CHIT1: variants seen among roughly 807,000 people sequenced by gnomAD.
CHIT1 encodes chitotriosidase-1.
Under a neutral mutation model 52.0 loss-of-function variants are expected in CHIT1, and 47 were observed. The observed-to-expected ratio is 0.90, with a 90% confidence interval of 0.71 to 1.15. The LOEUF is 1.15. CHIT1 is among the 50% of genes most tolerant of loss of function. The pLI is 0.00. For missense variants in CHIT1, 569 were observed against 583.0 expected, an observed-to-expected ratio of 0.98 and a Z score of 0.25; for synonymous variants, 242 against 228.2, an observed-to-expected ratio of 1.06 and a Z score of -0.54.
intron 6 of CHIT1, 81 bp downstream of exon 6, chr1:203,223,054 C>T (rs1656794390): frequency 6.3e-7 from 1 of 1,576,462 alleles, no homozygotes; most frequent in East Asian, 2.2e-5. Flanking sequence ...AACACCTGCT[C>T]TACCCATGGG....
intron 2 of CHIT1, among the ~76,000 whole-genome samples, chr1:203,228,096 G>C (rs1449816857): frequency 6.6e-6 from 1 of 152,196 alleles, no homozygotes; most frequent in Non-Finnish European, 1.5e-5. Flanking sequence ...TGTTGTCCTC[G>C]CAGAGCTAAG....
intron 6 of CHIT1, 132 bp downstream of exon 6, chr1:203,223,003 T>G: frequency 8.0e-7 from 1 of 1,243,448 alleles, no homozygotes; most frequent in Admixed American, 1.7e-5. Context: ...TCTGCTTTTG[T>G]TCTGGTGTAA....
rs926999571 is a variant in CHIT1 at position 203,229,492 on chromosome 1, C to G, written c.25+120G>C. The G allele has an allele frequency of 6.2e-6, 7 of 1,129,664 alleles. No homozygotes were observed. The Admixed American group carries it at 1.4e-4, about 22-fold the overall frequency. 70.0% of individuals were successfully genotyped at this position (1,129,664 alleles called of 1,614,324 possible). A position where few individuals can be genotyped will look rare whatever the true frequency, so the allele number is the denominator to read the frequency against. On this transcript the variant is annotated intron_variant, in intron 1 of 10. Coordinates refer to ENST00000367229, the MANE Select transcript of CHIT1 (RefSeq NM_003465.3). ...GGAGGCATGGAGAGGGATAAAATGA[C>G]CCTCTGAAGTTCTCCTGAGTCCTCC... is the stretch of plus-strand genomic sequence containing the variant.
intron 10 of CHIT1, 109 bp from the exon 11 acceptor site, chr1:203,217,242 C>T: frequency 6.3e-7 from 1 of 1,588,500 alleles, no homozygotes; most frequent in Non-Finnish European, 8.5e-7. Flanking sequence ...GCACCACATG[C>T]CCTACAGGCT....
At chr1:203,218,698 C>T (rs1447720848) in intron 9 of CHIT1, among the ~76,000 whole-genome samples, 7 of 152,076 alleles carry the variant, frequency 4.6e-5, no homozygotes, top group Admixed American at 4.6e-4. Context: ...TGCAATTGTC[C>T]ACCTCTAGAA....
At chr1:203,223,108 G>C in intron 6 of CHIT1, 27 bp downstream of exon 6, 4 of 1,613,674 alleles carry the variant, frequency 2.5e-6, no homozygotes, top group Non-Finnish European at 3.4e-6. Context: ...AGAGAGCACA[G>C]CTCCAAGCCA....
chr1:203,218,832 A>C (rs1656630271), intron 9 of CHIT1, among the ~76,000 whole-genome samples: 1 of 152,174 alleles, frequency 6.6e-6, no homozygotes, highest in African/African-American at 2.4e-5. Context: ...AAATGCACCA[A>C]TATTGGGCAG....
rs1275967060 is a variant in CHIT1, at chr1:203,217,880, G to A, written c.1030-15C>T. 4 of 1,607,512 alleles carry A rather than the reference G, an allele frequency of 2.5e-6. No homozygotes were observed. In the African/African-American group the frequency reaches 5.3e-5, roughly 21 times the overall value. Reference sequence around the variant, plus strand: ...AGATAGCTGACCTGTGCAGGGAGGGGATGCAGTGGAGGAGCCCGGGGAAGC... The same window carrying A: ...AGATAGCTGACCTGTGCAGGGAGGGAATGCAGTGGAGGAGCCCGGGGAAGC... On this transcript the variant is annotated splice_polypyrimidine_tract_variant and intron_variant, in intron 9 of 10. Coordinates refer to ENST00000367229, the MANE Select transcript of CHIT1 (RefSeq NM_003465.3).
intron 9 of CHIT1, chr1:203,218,110 A>T: frequency 6.8e-7 from 1 of 1,469,006 alleles, no homozygotes; most frequent in Non-Finnish European, 9.0e-7. Flanking sequence ...GGGTGGGTGC[A>T]GTCGGGAGGA....
At chr1:203,218,206 T>C in intron 9 of CHIT1, 7 of 898,676 alleles carry the variant, frequency 7.8e-6, no homozygotes, top group Non-Finnish European at 1.1e-5. Flanking sequence ...TTAAGGGTAT[T>C]GTATGCTGGT....
rs1484971378 is a variant in CHIT1, at chr1:203,222,075, A to G, written c.729+127T>C. 5.1e-6 allele frequency: 7 copies of G among 1,380,232 alleles called. No homozygotes were observed. In the East Asian group the frequency reaches 1.7e-4, roughly 33 times the overall value. 85.5% of individuals were successfully genotyped at this position (1,380,232 alleles called of 1,614,324 possible). A position where few individuals can be genotyped will look rare whatever the true frequency, so the allele number is the denominator to read the frequency against. On this transcript the variant is annotated intron_variant, in intron 7 of 10. Transcript: ENST00000367229. ...GAACAAAACAAGCAAGCAAAGAAACAAAAAAGCTTCTTGTTTCTCAGTGCC... is the reference window on the plus strand; with the variant it reads ...GAACAAAACAAGCAAGCAAAGAAACGAAAAAGCTTCTTGTTTCTCAGTGCC...
chr1:203,219,281 C>A lies in CHIT1; in HGVS notation c.964G>T (p.Val322Leu). 2.5e-6 allele frequency: 4 copies of A among 1,612,328 alleles called. No individual in the cohort carries two copies. Among genetic ancestry groups the A allele is most frequent in the Non-Finnish European group, 3.4e-6 (4 of 1,178,522 alleles). ...TGGTTGTCCCGGAAGATGTAGGGCA[C>A]CTTCTGATCCTGGATTCTCTGTTTG... is the stretch of plus-strand genomic sequence containing the variant. ...ATKQRIQDQK[V>L]PYIFRDNQWV... The change falls in exon 9 of 11, where the codon GTG becomes TTG. Residue 322 changes from valine to leucine, a missense_variant. Physicochemically the swap from Val to Leu is conservative, Grantham distance 32 (BLOSUM62 1). Transcript: ENST00000367229.
chr1:203,223,379 C>T lies in CHIT1; in HGVS notation c.480+116G>A, dbSNP rs1277249900. ...AGCTGGCCACAGGGCTGATCTGTGC[C>T]ATGCAGATACGTGAAGCAGCTGGCT... is the stretch of plus-strand genomic sequence containing the variant. On this transcript the variant is annotated intron_variant, in intron 5 of 10. Coordinates refer to ENST00000367229, the MANE Select transcript of CHIT1 (RefSeq NM_003465.3). The T allele has an allele frequency of 2.5e-6, 4 of 1,600,152 alleles. No individual in the cohort carries two copies. In the African/African-American group the frequency reaches 4.0e-5, roughly 16 times the overall value.
intron 7 of CHIT1, among the ~76,000 whole-genome samples, chr1:203,220,394 A>C (rs1321166546): frequency 6.6e-6 from 1 of 152,214 alleles, no homozygotes. Context: ...AAAGCAGGGA[A>C]TTGGGTCTGC....
At chr1:203,228,408 G>C in intron 2 of CHIT1, 125 bp downstream of exon 2, 1 of 1,058,342 alleles carries the variant, frequency 9.4e-7, no homozygotes, top group Non-Finnish European at 1.4e-6. Context: ...GCAGGGGTCT[G>C]AGCTTTGGAA....
rs868131704 is a variant in CHIT1 at position 203,222,402 on chromosome 1, C to G, written c.606-77G>C. The G allele has an allele frequency of 8.8e-5, 142 of 1,605,502 alleles. 1 individual carries two copies. The Middle Eastern group carries it at 3.4e-3, about 38-fold the overall frequency. On this transcript the variant is annotated intron_variant, in intron 6 of 10. Coordinates refer to ENST00000367229, the MANE Select transcript of CHIT1 (RefSeq NM_003465.3). ...AGCCCTTCTTTCTCACTCCTACCCCCTCAGTGCATGGCCTAGGGAGGAACC... is the reference window on the plus strand; with the variant it reads ...AGCCCTTCTTTCTCACTCCTACCCCGTCAGTGCATGGCCTAGGGAGGAACC...
At position 203,216,352 on chromosome 1, in the gene CHIT1, T is replaced by C. The variant is rs1414892861; in HGVS notation, c.*537A>G. On this transcript the variant is annotated 3_prime_UTR_variant, in exon 11 of 11. Coordinates refer to ENST00000367229, the MANE Select transcript of CHIT1 (RefSeq NM_003465.3). ...TGCTGAGTGGCTGCTCGCAGAGCGC[T>C]TAAATCAGGGAAAAGTTCTTCTCTG... 3 of 454,104 alleles carry C rather than the reference T, an allele frequency of 6.6e-6. No homozygotes were observed. 28.1% of individuals were successfully genotyped at this position (454,104 alleles called of 1,614,324 possible).
At chr1:203,229,751 G>T (rs1558165224), upstream of CHIT1, 1 of 1,250,770 alleles carries the variant, frequency 8.0e-7, no homozygotes, top group Non-Finnish European at 1.2e-6. Context: ...CAGGGGCACT[G>T]GGTGGGGGGG....
intron 7 of CHIT1, among the ~76,000 whole-genome samples, chr1:203,221,309 C>G (rs368775728): frequency 6.6e-6 from 1 of 152,138 alleles, no homozygotes; most frequent in Non-Finnish European, 1.5e-5. Context: ...TATAAACCCT[C>G]TCTATATTTT....
Sources: gnomAD v4.1 joint callset for allele counts (sites outside exome capture counted in the v4.1 genomes callset) on GRCh38, gnomAD v4.1.1 for gene constraint, MANE v1.5 for transcripts, NCBI Gene and HGNC (gene_info 2026-07-23, HGNC 2026-07-21) for gene names.